Variants in CDH12 observed in about 807,000 individuals in gnomAD.
The protein encoded by CDH12 is cadherin 12.
Under a neutral mutation model 74.1 loss-of-function variants are expected in CDH12, and 41 were observed. That is an observed-to-expected ratio of 0.55 (90% CI 0.43 to 0.72). The LOEUF (loss-of-function observed/expected upper bound fraction) is 0.72. Ranked by LOEUF, CDH12 falls within the 30% of genes least tolerant of loss-of-function variation. The pLI is 0.00. For synonymous variants in CDH12, 399 were observed against 355.0 expected (o/e 1.12, Z -1.39); for missense variants, 945 against 977.2 (o/e 0.97, Z 0.44).
chr5:22,135,015 A>G (rs561363198), intron 4 of CDH12, among the ~76,000 whole-genome samples: 8 of 152,150 alleles, frequency 5.3e-5, no homozygotes, highest in South Asian at 2.1e-4. Context: ...AAATTGCTCA[A>G]TTGAGGAAAT....
chr5:22,619,757 C>G (rs576680393), intron 1 of CDH12, among the ~76,000 whole-genome samples: 1 of 151,650 alleles, frequency 6.6e-6, no homozygotes, highest in East Asian at 1.9e-4. Flanking sequence ...CCACTGTTTA[C>G]TGGTACTATG....
intron 2 of CDH12, among the ~76,000 whole-genome samples, chr5:22,443,997 G>A (rs1261244): frequency 0.47 from 70,915 of 151,900 alleles, 16,931 homozygotes; most frequent in Admixed American, 0.64. Flanking sequence ...TCAAGAAAAT[G>A]TAGAAGAGCA....
chr5:21,904,544 G>T (rs1753548653), intron 6 of CDH12, among the ~76,000 whole-genome samples: 1 of 152,068 alleles, frequency 6.6e-6, no homozygotes, highest in African/African-American at 2.4e-5. Context: ...TTGGATGAGA[G>T]GATCACTTGA....
intron 3 of CDH12, among the ~76,000 whole-genome samples, chr5:22,234,980 C>G (rs1021786836): frequency 6.6e-6 from 1 of 151,890 alleles, no homozygotes; most frequent in Non-Finnish European, 1.5e-5. Flanking sequence ...AAGAATTATA[C>G]AGTTAGTTCA....
chr5:22,831,209 A>T (rs1335945267), intron 1 of CDH12, among the ~76,000 whole-genome samples: 4 of 152,102 alleles, frequency 2.6e-5, no homozygotes, highest in Non-Finnish European at 4.4e-5. Flanking sequence ...ACTTTTTTGG[A>T]GGATGAGGAG....
At chr5:22,723,099 T>C (rs745510438) in intron 1 of CDH12, among the ~76,000 whole-genome samples, 13 of 152,182 alleles carry the variant, frequency 8.5e-5, no homozygotes, top group Non-Finnish European at 1.8e-4. Flanking sequence ...AAAAATGTAA[T>C]TGCTAATTCT....
At chr5:21,795,395 C>T (rs1241636473) in intron 10 of CDH12, among the ~76,000 whole-genome samples, 1 of 151,708 alleles carries the variant, frequency 6.6e-6, no homozygotes, top group Non-Finnish European at 1.5e-5. Flanking sequence ...GAGTACTATG[C>T]CATTTTAATA....
chr5:22,225,922 A>ACAG (rs113191953), intron 3 of CDH12, among the ~76,000 whole-genome samples: 10 of 151,866 alleles, frequency 6.6e-5, no homozygotes, highest in African/African-American at 2.2e-4. Flanking sequence ...AACAACAACA[A>ACAG]CAGCAGCAAC....
intron 10 of CDH12, among the ~76,000 whole-genome samples, chr5:21,800,185 CG>C (rs151159705): frequency 0.044 from 6,767 of 152,090 alleles, 267 homozygotes; most frequent in Non-Finnish European, 0.063. Context: ...AATTTGGCCT[CG>C]GGATGAATTG....
intron 6 of CDH12, among the ~76,000 whole-genome samples, chr5:21,907,158 G>C (rs562685986): frequency 2.0e-5 from 3 of 152,280 alleles, no homozygotes; most frequent in Admixed American, 2.0e-4. Context: ...GAAAACCTGG[G>C]GTGCTACAGG....
intron 4 of CDH12, among the ~76,000 whole-genome samples, chr5:22,154,846 G>C (rs1022778109): frequency 1.3e-5 from 2 of 151,924 alleles, no homozygotes; most frequent in African/African-American, 4.8e-5. Context: ...CCACATTTTG[G>C]CCAAGTCCTC....
chr5:22,784,420 T>A (rs925580826), intron 1 of CDH12, among the ~76,000 whole-genome samples: 9 of 152,274 alleles, frequency 5.9e-5, no homozygotes, highest in African/African-American at 2.2e-4. Context: ...CCCTTAACTT[T>A]CTCTACTTTA....
At chr5:21,823,709 C>T (rs1001002491) in intron 8 of CDH12, among the ~76,000 whole-genome samples, 25 of 151,990 alleles carry the variant, frequency 1.6e-4, no homozygotes, top group African/African-American at 5.1e-4. Context: ...TTAAGTACTC[C>T]CTTTACTACT....
intron 1 of CDH12, among the ~76,000 whole-genome samples, chr5:22,699,156 C>T (rs1329395583): frequency 6.6e-6 from 1 of 152,140 alleles, no homozygotes; most frequent in African/African-American, 2.4e-5. Context: ...CTTATTTACA[C>T]ATCTGATGTG....
intron 2 of CDH12, among the ~76,000 whole-genome samples, chr5:22,438,356 T>C (rs929389275): frequency 1.3e-5 from 2 of 152,020 alleles, no homozygotes; most frequent in East Asian, 1.9e-4. Flanking sequence ...ACACAGTTGA[T>C]AGAATTTGGT....
At chr5:22,110,628 A>C (rs1481702346) in intron 4 of CDH12, among the ~76,000 whole-genome samples, 1 of 152,092 alleles carries the variant, frequency 6.6e-6, no homozygotes, top group Non-Finnish European at 1.5e-5. Context: ...AGTGTCATAC[A>C]TGCAAAATAC....
chr5:22,070,032 GA>G (rs1380108266), intron 5 of CDH12, among the ~76,000 whole-genome samples: 2 of 152,118 alleles, frequency 1.3e-5, no homozygotes, highest in African/African-American at 2.4e-5. Context: ...ACCAGTGATG[GA>G]AATGAGGGCT....
chr5:21,830,068 G>T (rs945131934), intron 8 of CDH12, among the ~76,000 whole-genome samples: 1 of 150,966 alleles, frequency 6.6e-6, no homozygotes, highest in Non-Finnish European at 1.5e-5. Context: ...GTATGTTGGC[G>T]GGTGCCTGTA....
At chr5:21,912,003 T>C (rs1344192355) in intron 6 of CDH12, among the ~76,000 whole-genome samples, 3 of 152,146 alleles carry the variant, frequency 2.0e-5, no homozygotes, top group African/African-American at 7.2e-5. Context: ...TGGAAGCTTA[T>C]AAAGAGAAAC....
Sources: gnomAD v4.1 joint callset for allele counts (sites outside exome capture counted in the v4.1 genomes callset) on GRCh38, gnomAD v4.1.1 for gene constraint, MANE v1.5 for transcripts, NCBI Gene and HGNC (gene_info 2026-07-23, HGNC 2026-07-21) for gene names.